The following DNAJC5 variants were observed in gnomAD, a reference collection of about 807,000 sequenced individuals.
The protein encoded by DNAJC5 is DnaJ heat shock protein family (Hsp40) member C5.
Under a neutral mutation model 23.2 loss-of-function variants are expected in DNAJC5, and 1 was observed. The ratio of observed to expected loss-of-function variants is 0.04; its 90% CI spans 0.02 to 0.20. The LOEUF (loss-of-function observed/expected upper bound fraction) is 0.20. Ranked by LOEUF, DNAJC5 falls within the 10% of genes least tolerant of loss-of-function variation. The pLI is 1.00. For missense variants in DNAJC5, 180 were observed against 267.0 expected (o/e 0.67, Z 2.27); for synonymous variants, 136 against 120.0 (o/e 1.13, Z -0.87).
At chr20:63,905,970 A>G (rs901683128) in intron 1 of DNAJC5, among the ~76,000 whole-genome samples, 2 of 151,430 alleles carry the variant, frequency 1.3e-5, no homozygotes, top group African/African-American at 4.9e-5. Flanking sequence ...CACTGACCTC[A>G]GGTGATCCGC....
intron 1 of DNAJC5, among the ~76,000 whole-genome samples, chr20:63,896,391 G>C (rs1030078993): frequency 6.6e-6 from 1 of 152,150 alleles, no homozygotes; most frequent in African/African-American, 2.4e-5. Flanking sequence ...TGTAGGACTC[G>C]GGGTGGCTCC....
rs1233863834 is a variant in DNAJC5, at chr20:63,931,427, G to C, written c.494-38G>C. ...ACCAGCGTTGGGTGCGCGCCAGGCTGTGGCCCTCGTGCAGTGCCCTGTGTG... is the reference window on the plus strand; with the variant it reads ...ACCAGCGTTGGGTGCGCGCCAGGCTCTGGCCCTCGTGCAGTGCCCTGTGTG... On this transcript the variant is annotated intron_variant, in intron 4 of 4. Transcript: ENST00000360864. This position sits in a 1 kb window ranked among gnomAD's most constrained non-coding sequence, Gnocchi z 9.6. The C allele has an allele frequency of 1.3e-6, 2 of 1,524,726 alleles. No homozygotes were observed. Among genetic ancestry groups the C allele is most frequent in the South Asian group, 1.2e-5 (1 of 83,788 alleles). The allele number at this position is 1,524,726 out of a possible 1,614,324, so 94.4% of individuals were successfully genotyped here.
chr20:63,915,699 G>A (rs553039393), intron 1 of DNAJC5, among the ~76,000 whole-genome samples: 1 of 152,310 alleles, frequency 6.6e-6, no homozygotes, highest in East Asian at 1.9e-4. Context: ...CACTGGTGCA[G>A]TCCTCAGAGA....
intron 1 of DNAJC5, among the ~76,000 whole-genome samples, chr20:63,900,223 C>T (rs1405145996): frequency 6.6e-6 from 1 of 152,000 alleles, no homozygotes; most frequent in Non-Finnish European, 1.5e-5. Context: ...CTCAAGTGAT[C>T]GTCCAACCAG....
rs2053696149 is a variant in DNAJC5, at chr20:63,933,989, G to T, written c.*2421G>T. ...AAGAGGAGCAGGTCTGGAGGTTTGT[G>T]GAACCCAGTCCCCTGCAGAATCTGT... is the stretch of plus-strand genomic sequence containing the variant. On this transcript the variant is annotated 3_prime_UTR_variant, in exon 5 of 5. Transcript: ENST00000360864. 1 of 152,346 alleles carries T rather than the reference G, an allele frequency of 6.6e-6. No homozygotes were observed. The highest frequency in any genetic ancestry group is 2.4e-5 in the African/African-American group (1 of 41,430). 9.4% of individuals were successfully genotyped at this position (152,346 alleles called of 1,614,324 possible). A position where few individuals can be genotyped will look rare whatever the true frequency, so the allele number is the denominator to read the frequency against.
At chr20:63,907,289 T>C (rs1034396144) in intron 1 of DNAJC5, among the ~76,000 whole-genome samples, 8 of 152,194 alleles carry the variant, frequency 5.3e-5, no homozygotes, top group Non-Finnish European at 1.5e-5. Context: ...CTGCTGATCC[T>C]TAGCACGGTG....
rs2053639399 is a variant in DNAJC5, at chr20:63,929,070, A to C, written c.108-242A>C. 6.6e-6 allele frequency among the ~76,000 whole-genome samples: 1 copy of C among 152,134 alleles called. No individual in the cohort carries two copies. The highest frequency in any genetic ancestry group is 1.5e-5 in the Non-Finnish European group (1 of 68,012). On this transcript the variant is annotated intron_variant, in intron 2 of 4. Transcript: ENST00000360864. This position sits in a 1 kb window ranked among gnomAD's most constrained non-coding sequence, Gnocchi z 8.6. Reference sequence around the variant, plus strand: ...CCGCTGAACTTAGATGTGCCGTGGCACTCACAGCCCTTGGGGCTCCCTCCT... The same window carrying C: ...CCGCTGAACTTAGATGTGCCGTGGCCCTCACAGCCCTTGGGGCTCCCTCCT...
chr20:63,914,719 G>A (rs6062581), intron 1 of DNAJC5, among the ~76,000 whole-genome samples: 5 of 150,794 alleles, frequency 3.3e-5, no homozygotes, highest in Admixed American at 1.3e-4. Flanking sequence ...TAGTTCAAAC[G>A]ATTCTTCTGC....
intron 1 of DNAJC5, among the ~76,000 whole-genome samples, chr20:63,897,567 CAAATAAATAA>C (rs1196043059): frequency 6.6e-6 from 1 of 151,970 alleles, no homozygotes; most frequent in Non-Finnish European, 1.5e-5. Flanking sequence ...GACTCAGTCT[CAAATAAATAA>C]AAATAAATAA....
chr20:63,898,102 C>T (rs1054751080), intron 1 of DNAJC5, among the ~76,000 whole-genome samples: 5 of 152,154 alleles, frequency 3.3e-5, no homozygotes, highest in Non-Finnish European at 7.3e-5. Flanking sequence ...AACTTGAACT[C>T]GAGTCTTCTC....
At chr20:63,905,456 G>T (rs2053442165) in intron 1 of DNAJC5, among the ~76,000 whole-genome samples, 1 of 151,946 alleles carries the variant, frequency 6.6e-6, no homozygotes, top group Non-Finnish European at 1.5e-5. Context: ...TCACACTCTT[G>T]CCCAGGCTGG....
At position 63,899,405 on chromosome 20, in the gene DNAJC5, T is replaced by A. The variant is rs546042080; in HGVS notation, c.-12+4082T>A. On this transcript the variant is annotated intron_variant, in intron 1 of 4. Coordinates refer to ENST00000360864, the MANE Select transcript of DNAJC5 (RefSeq NM_025219.3). ...GTGTAGATTTTGTCTCTCATCACCC[T>A]TTGCATTAACTTTGGGTGCATGTGT... 4.0e-5 allele frequency among the ~76,000 whole-genome samples: 6 copies of A among 150,976 alleles called. No homozygotes were observed. In the South Asian group the frequency reaches 6.4e-4, roughly 16 times the overall value.
intron 1 of DNAJC5, among the ~76,000 whole-genome samples, chr20:63,899,713 C>T (rs947306793): frequency 5.9e-5 from 9 of 152,002 alleles, no homozygotes; most frequent in Non-Finnish European, 1.0e-4. Context: ...TCCCGAGTAG[C>T]TGGGACTACA....
intron 1 of DNAJC5, among the ~76,000 whole-genome samples, chr20:63,919,095 G>T (rs1476305443): frequency 6.6e-6 from 1 of 152,208 alleles, no homozygotes; most frequent in Non-Finnish European, 1.5e-5. Flanking sequence ...GCACCTGGAA[G>T]TACAGAAATA....
rs372843187 is a variant in DNAJC5 at position 63,928,464 on chromosome 20, A to G, written c.107+12A>G. Reference sequence around the variant, plus strand: ...AAAAAGTCCTATCGGTAAGTGGACAAGTGTGGCCCCCACATCCCCCCAGGA... The same window carrying G: ...AAAAAGTCCTATCGGTAAGTGGACAGGTGTGGCCCCCACATCCCCCCAGGA... On this transcript the variant is annotated intron_variant, in intron 2 of 4. Transcript: ENST00000360864. This position sits in a 1 kb window ranked among gnomAD's most constrained non-coding sequence, Gnocchi z 4.6. 585 of 1,609,466 alleles carry G rather than the reference A, an allele frequency of 3.6e-4. 2 individuals carry two copies. The highest frequency in any genetic ancestry group is 2.8e-4 in the Non-Finnish European group (330 of 1,175,926).
rs894971354 is a variant in DNAJC5 at position 63,935,711 on chromosome 20, G to A, written c.*4143G>A. The A allele has an allele frequency of 3.9e-5, 6 of 152,300 alleles. No individual in the cohort carries two copies. The highest frequency in any genetic ancestry group is 1.4e-4 in the African/African-American group (6 of 41,484). The allele number at this position is 152,300 out of a possible 1,614,324, so 9.4% of individuals were successfully genotyped here. On this transcript the variant is annotated 3_prime_UTR_variant, in exon 5 of 5. Transcript: ENST00000360864. ...GGGGTCCTGCAGGCGGCACCTTTTG[G>A]TAGAGTTTGTTTCCCTGGAAAATGG... is the stretch of plus-strand genomic sequence containing the variant.
intron 1 of DNAJC5, among the ~76,000 whole-genome samples, chr20:63,898,934 G>A (rs905794057): frequency 6.6e-6 from 1 of 152,210 alleles, no homozygotes; most frequent in African/African-American, 2.4e-5. Context: ...GTCCTGAGAT[G>A]TGTCCAAGAA....
chr20:63,901,044 C>T (rs1264782962), intron 1 of DNAJC5, among the ~76,000 whole-genome samples: 3 of 152,118 alleles, frequency 2.0e-5, no homozygotes, highest in East Asian at 1.9e-4. Flanking sequence ...GTCTCACTGC[C>T]GCTTCCACCT....
intron 1 of DNAJC5, chr20:63,919,373 G>A (rs548881240): frequency 1.5e-5 from 8 of 517,586 alleles, no homozygotes; most frequent in Non-Finnish European, 2.7e-5. Context: ...ACGTGTCCGG[G>A]GAGAGGACGC....
Sources: allele counts gnomAD v4.1 joint callset (sites outside exome capture counted in the v4.1 genomes callset), GRCh38; gene constraint gnomAD v4.1.1; non-coding constraint Gnocchi (gnomAD v3.1); transcripts MANE v1.5; gene names NCBI Gene and HGNC (gene_info 2026-07-23, HGNC 2026-07-21).